The following NRXN3 variants were observed in gnomAD, a reference collection of about 807,000 sequenced individuals.
The protein encoded by NRXN3 is neurexin 3, also known as neurexin III.
Under a neutral mutation model 137.6 loss-of-function variants are expected in NRXN3, and 32 were observed. The observed-to-expected ratio is 0.23, with a 90% CI of 0.18 to 0.31. The LOEUF (loss-of-function observed/expected upper bound fraction) is 0.31. NRXN3 is among the 10% of genes least tolerant of loss of function. The probability of loss-of-function intolerance (pLI) is 1.00; values close to 1 mark genes in which losing one functional copy is unlikely to be tolerated. For missense variants in NRXN3, 1,574 were observed against 2,062.5 expected (o/e 0.76, Z 4.59); for synonymous variants, 798 against 784.5 (o/e 1.02, Z -0.29).
chr14:78,729,276 G>A (rs1323053430), intron 8 of NRXN3, among the ~76,000 whole-genome samples: 4 of 152,280 alleles, frequency 2.6e-5, no homozygotes, highest in Non-Finnish European at 5.9e-5. Context: ...TTTTCACCCA[G>A]TCTATCAGAT....
intron 1 of NRXN3, among the ~76,000 whole-genome samples, chr14:78,229,045 T>G (rs1037439416): frequency 7.2e-5 from 11 of 152,182 alleles, no homozygotes; most frequent in African/African-American, 2.7e-4. Flanking sequence ...TGACAGCTCC[T>G]CTGTGGCTTT....
rs759768103 is a variant in NRXN3 at position 79,580,048 on chromosome 14, G to A, written c.3445-83730G>A. ...ATGTGAGTGAGAACGTGTGAAATGT[G>A]TCATCTGGGTCTTGCCTATTTCATT... is the stretch of plus-strand genomic sequence containing the variant. On this transcript the variant is annotated intron_variant, in intron 16 of 20. Transcript: ENST00000335750. 3.3e-4 allele frequency among the ~76,000 whole-genome samples: 51 copies of A among 152,242 alleles called. 2 individuals carry two copies. The highest frequency in any genetic ancestry group is 4.2e-4 in the South Asian group (2 of 4,814).
chr14:78,361,122 G>A (rs1216663819), intron 4 of NRXN3, among the ~76,000 whole-genome samples: 1 of 152,158 alleles, frequency 6.6e-6, no homozygotes, highest in African/African-American at 2.4e-5. Flanking sequence ...ATGAATAACT[G>A]TAACTGAATC....
intron 19 of NRXN3, among the ~76,000 whole-genome samples, chr14:79,739,661 A>AAAAAAAAAAAAAAAC (rs2098954059): frequency 6.7e-6 from 1 of 148,944 alleles, no homozygotes; most frequent in African/African-American, 2.5e-5. Context: ...AAAAAAAAAA[A>AAAAAAAAAAAAAAAC]AAAAAAAAAA....
At position 79,861,685 on chromosome 14, in the gene NRXN3, C is replaced by G; in HGVS notation, c.4437C>G (p.Ile1479Met). 1 of 1,614,172 alleles carries G rather than the reference C, an allele frequency of 6.2e-7. No individual in the cohort carries two copies. The highest frequency in any genetic ancestry group is 8.5e-7 in the Non-Finnish European group (1 of 1,180,028). ...VPTANPTEPG[I>M]RRVPGASEVI... ...CAGCAAACCCCACGGAGCCGGGAAT[C>G]AGACGGGTTCCGGGGGCCTCAGAGG... Residue 1479 changes from isoleucine to methionine, a missense_variant, in exon 21 of 21, where the codon ATC becomes ATG. Ile to Met is a conservative substitution (Grantham distance 10). Transcript: ENST00000335750. The surrounding 1 kb of genome is among the most constrained non-coding windows in gnomAD (Gnocchi z 5.4).
At chr14:79,437,072 C>T (rs1037745244) in intron 15 of NRXN3, among the ~76,000 whole-genome samples, 3 of 152,038 alleles carry the variant, frequency 2.0e-5, no homozygotes, top group African/African-American at 7.3e-5. Context: ...TGTCAAAGGC[C>T]CTTCCGAATC....
In NRXN3 at chr14:78,416,172, C is replaced by G. The variant is rs576295924; in HGVS notation, c.757+118312C>G. ...TGGCAGCCATATTTGAAGACTATCTCTCTTGGATACATTCATCCTAGATCA... is the reference window on the plus strand; with the variant it reads ...TGGCAGCCATATTTGAAGACTATCTGTCTTGGATACATTCATCCTAGATCA... On this transcript the variant is annotated intron_variant, in intron 4 of 20. Transcript: ENST00000335750. 2.0e-3 allele frequency among the ~76,000 whole-genome samples: 307 copies of G among 152,274 alleles called. 1 individual carries two copies. The highest frequency in any genetic ancestry group is 8.3e-3 in the South Asian group (40 of 4,828).
At chr14:79,102,890 A>C (rs2051616341) in intron 15 of NRXN3, among the ~76,000 whole-genome samples, 1 of 152,184 alleles carries the variant, frequency 6.6e-6, no homozygotes, top group Non-Finnish European at 1.5e-5. Flanking sequence ...AAGGTGAATT[A>C]AGATCAAATT....
intron 6 of NRXN3, chr14:78,695,735 T>C (rs962862230): frequency 3.9e-5 from 6 of 152,024 alleles, no homozygotes; most frequent in Non-Finnish European, 8.8e-5. Context: ...GGCTTGGCAC[T>C]CACTCTTCTG....
At chr14:79,500,617 G>A (rs143327414) in intron 16 of NRXN3, among the ~76,000 whole-genome samples, 10 of 152,180 alleles carry the variant, frequency 6.6e-5, no homozygotes, top group African/African-American at 2.2e-4. Context: ...TCCCACTTTC[G>A]TTTGTGTCTT....
chr14:78,491,172 G>A (rs1267228926), intron 4 of NRXN3, among the ~76,000 whole-genome samples: 1 of 152,208 alleles, frequency 6.6e-6, no homozygotes, highest in Non-Finnish European at 1.5e-5. Context: ...GATGGCGTGA[G>A]CTGGTCCACA....
At chr14:79,774,368 G>A (rs534920338) in intron 19 of NRXN3, among the ~76,000 whole-genome samples, 1 of 152,238 alleles carries the variant, frequency 6.6e-6, no homozygotes, top group African/African-American at 2.4e-5. Flanking sequence ...CCAGCACTCT[G>A]CCAGGCTTAT....
intron 4 of NRXN3, among the ~76,000 whole-genome samples, chr14:78,515,174 C>T (rs2096183492): frequency 1.3e-5 from 2 of 152,018 alleles, no homozygotes. Flanking sequence ...AGAACACTCA[C>T]CAGGGGAATC....
At chr14:79,685,116 C>G (rs1395743986) in intron 17 of NRXN3, among the ~76,000 whole-genome samples, 1 of 152,092 alleles carries the variant, frequency 6.6e-6, no homozygotes, top group Non-Finnish European at 1.5e-5. Context: ...GGAAGTAATT[C>G]TTGTGGAGTT....
chr14:78,227,517 C>T (rs140703503), intron 1 of NRXN3, among the ~76,000 whole-genome samples: 102 of 152,238 alleles, frequency 6.7e-4, no homozygotes, highest in African/African-American at 2.4e-3. Flanking sequence ...GTGCGTATTG[C>T]CTGTTTTCCA....
intron 4 of NRXN3, among the ~76,000 whole-genome samples, chr14:78,439,358 T>C (rs572858688): frequency 7.2e-5 from 11 of 152,300 alleles, no homozygotes; most frequent in African/African-American, 2.4e-4. Flanking sequence ...ACAAGGGCAT[T>C]GGTGAAGAAC....
intron 15 of NRXN3, among the ~76,000 whole-genome samples, chr14:79,190,046 AT>A (rs1207647821): frequency 1.4e-4 from 21 of 152,174 alleles, no homozygotes; most frequent in Admixed American, 9.2e-4. Flanking sequence ...TCTTCAAAAA[AT>A]CTTCTAAAGG....
intron 19 of NRXN3, among the ~76,000 whole-genome samples, chr14:79,764,667 G>C (rs1484780907): frequency 1.3e-5 from 2 of 152,096 alleles, no homozygotes; most frequent in South Asian, 2.1e-4. Context: ...GCCAGTCATA[G>C]AGCATTTCCT....
At chr14:78,228,157 C>CTTT (rs1156767557) in intron 1 of NRXN3, among the ~76,000 whole-genome samples, 34 of 130,464 alleles carry the variant, frequency 2.6e-4, no homozygotes, top group Admixed American at 1.1e-3. Context: ...AATTTTCTTT[C>CTTT]TTTTTTTTTT....
Sources: gnomAD v4.1 joint callset for allele counts (sites outside exome capture counted in the v4.1 genomes callset) on GRCh38, gnomAD v4.1.1 for gene constraint, Gnocchi (gnomAD v3.1) non-coding constraint, MANE v1.5 for transcripts, NCBI Gene and HGNC (gene_info 2026-07-23, HGNC 2026-07-21) for gene names.